Variants in STIM1 observed in about 807,000 individuals in gnomAD.
STIM1 encodes stromal interaction molecule 1.
Under a neutral mutation model 74.7 loss-of-function variants are expected in STIM1, and 25 were observed. That is an observed-to-expected ratio of 0.33 (90% CI 0.24 to 0.47). The LOEUF is 0.47. Among genes scored for constraint, STIM1 ranks in the 20% least tolerant of loss-of-function variants. The pLI, the probability that STIM1 is intolerant of heterozygous loss-of-function variation, is 1.00. For synonymous variants in STIM1, 328 were observed against 348.8 expected, an observed-to-expected ratio of 0.94 and a Z score of 0.66; for missense variants, 728 against 920.8, an observed-to-expected ratio of 0.79 and a Z score of 2.71.
chr11:3,875,004 A>ATTGT (rs144303703), intron 1 of STIM1, among the ~76,000 whole-genome samples: 2,550 of 115,470 alleles, frequency 0.022, 67 homozygotes, highest in African/African-American at 0.077. Flanking sequence ...CTCTTCTTTT[A>ATTGT]TTGTTTGTTT....
chr11:3,876,396 G>A (rs1312420461), intron 1 of STIM1, among the ~76,000 whole-genome samples: 1 of 151,974 alleles, frequency 6.6e-6, no homozygotes, highest in Non-Finnish European at 1.5e-5. Flanking sequence ...TTGAGGGAAA[G>A]GACTACATTC....
intron 1 of STIM1, among the ~76,000 whole-genome samples, chr11:3,862,900 A>G (rs907532394): frequency 9.9e-5 from 15 of 151,658 alleles, no homozygotes; most frequent in African/African-American, 3.6e-4. Flanking sequence ...ACACACACAC[A>G]TATTTTTTTG....
At chr11:3,998,838 G>C (rs183318346) in intron 2 of STIM1, among the ~76,000 whole-genome samples, 1 of 152,122 alleles carries the variant, frequency 6.6e-6, no homozygotes, top group African/African-American at 2.4e-5. Context: ...CAAAATCTTG[G>C]GGGTATAAAA....
intron 1 of STIM1, chr11:3,903,443 T>C (rs1461366629): frequency 6.6e-6 from 1 of 152,230 alleles, no homozygotes; most frequent in African/African-American, 2.4e-5. Flanking sequence ...TATAAAGGTC[T>C]TGGAGTTATT....
intron 1 of STIM1, among the ~76,000 whole-genome samples, chr11:3,882,186 G>A (rs185917051): frequency 1.1e-3 from 158 of 139,530 alleles, no homozygotes; most frequent in African/African-American, 4.1e-3. Flanking sequence ...CGCAACCTCT[G>A]TCTCCTGGGT....
At chr11:3,969,047 C>T (rs1426774836) in intron 2 of STIM1, among the ~76,000 whole-genome samples, 1 of 152,036 alleles carries the variant, frequency 6.6e-6, no homozygotes, top group East Asian at 1.9e-4. Flanking sequence ...AGAACCAGGT[C>T]CAAAGTAAAG....
rs35716064 is a variant in STIM1, at chr11:4,030,326, C to CAA, written c.385+6354_385+6355dup. ...TGGGTGAAAGAGTGAAACTCCATCTCAAAAAAAAAAAAAAAAGAAAGAAAG... is the reference window on the plus strand; with the variant it reads ...TGGGTGAAAGAGTGAAACTCCATCTCAAAAAAAAAAAAAAAAAAGAAAGAAAG... On this transcript the variant is annotated intron_variant, in intron 3 of 12. Transcript: ENST00000526596. 3.1e-3 allele frequency among the ~76,000 whole-genome samples: 384 copies of CAA among 122,842 alleles called. 4 individuals are homozygous for CAA. The highest frequency in any genetic ancestry group is 8.4e-3 in the South Asian group (32 of 3,802). The allele number at this position is 122,842 out of a possible 152,430, so 80.6% of individuals were successfully genotyped here.
chr11:4,034,896 A>G (rs575603175), intron 3 of STIM1, among the ~76,000 whole-genome samples: 27 of 152,218 alleles, frequency 1.8e-4, no homozygotes, highest in Admixed American at 3.9e-4. Flanking sequence ...ATTTACTGGT[A>G]TATGTTAATA....
intron 3 of STIM1, among the ~76,000 whole-genome samples, chr11:4,031,703 T>C (rs2094051833): frequency 6.6e-6 from 1 of 152,246 alleles, no homozygotes; most frequent in Non-Finnish European, 1.5e-5. Flanking sequence ...TTAAATCTTT[T>C]GTCTGCTTTT....
chr11:3,941,601 G>C (rs2093006267), intron 1 of STIM1, among the ~76,000 whole-genome samples: 1 of 140,664 alleles, frequency 7.1e-6, no homozygotes, highest in African/African-American at 2.7e-5. Context: ...GTGTGTGTGT[G>C]TGTGTGTGTG....
intron 1 of STIM1, among the ~76,000 whole-genome samples, chr11:3,896,290 G>T (rs1253684810): frequency 6.6e-6 from 1 of 152,118 alleles, no homozygotes; most frequent in East Asian, 1.9e-4. Flanking sequence ...TAGGCAATGG[G>T]TAAGGTGCTT....
intron 3 of STIM1, among the ~76,000 whole-genome samples, chr11:4,043,247 T>C (rs536670468): frequency 2.0e-5 from 3 of 152,326 alleles, no homozygotes; most frequent in Non-Finnish European, 4.4e-5. Flanking sequence ...GGAGGTTTTA[T>C]TGATTTTTAC....
chr11:3,989,293 C>T lies in STIM1; in HGVS notation c.270+21611C>T. On this transcript the variant is annotated intron_variant, in intron 2 of 12. Transcript: ENST00000526596. ...TTCGGCCTGTTTTCCCTTTGCTCCC[C>T]TTTTCCCTTTTGTTTGCACTTGTTT... The T allele has an allele frequency of 2.2e-6, 2 of 929,844 alleles. 1 individual carries two copies. The highest frequency in any genetic ancestry group is 2.6e-5 in the South Asian group (2 of 77,488). 57.6% of individuals were successfully genotyped at this position (929,844 alleles called of 1,614,324 possible).
At chr11:3,963,018 A>T (rs1160995891) in intron 1 of STIM1, among the ~76,000 whole-genome samples, 2 of 152,230 alleles carry the variant, frequency 1.3e-5, no homozygotes, top group Non-Finnish European at 2.9e-5. Context: ...ATCTAGAAAA[A>T]ATCTTACTGA....
chr11:4,065,169 G>T (rs914422669), intron 5 of STIM1, among the ~76,000 whole-genome samples: 1 of 152,214 alleles, frequency 6.6e-6, no homozygotes, highest in African/African-American at 2.4e-5. Flanking sequence ...GAAAAGTGCA[G>T]GGAGGCCTAC....
chr11:3,927,997 C>T (rs2092809239), intron 1 of STIM1, among the ~76,000 whole-genome samples: 1 of 152,158 alleles, frequency 6.6e-6, no homozygotes. Flanking sequence ...TTGTTGGCTT[C>T]TTCTCCCCTT....
chr11:3,947,229 C>T (rs1010812417), intron 1 of STIM1: 7 of 152,106 alleles, frequency 4.6e-5, no homozygotes, highest in African/African-American at 1.7e-4. Flanking sequence ...GAACCTCATC[C>T]CAGCCCATTT....
rs545854438 is a variant in STIM1 at position 4,058,656 on chromosome 11, C to T, written c.498-625C>T. The T allele has an allele frequency of 3.5e-5, 11 of 315,962 alleles. No homozygotes were observed. The South Asian group carries it at 1.4e-3, about 40-fold the overall frequency. 19.6% of individuals were successfully genotyped at this position (315,962 alleles called of 1,614,324 possible). ...ACAGGCTTTCTCTTATTAAAGTTATCACTGACAGTATGGGTGGAGGTCATA... is the reference window on the plus strand; with the variant it reads ...ACAGGCTTTCTCTTATTAAAGTTATTACTGACAGTATGGGTGGAGGTCATA... On this transcript the variant is annotated intron_variant, in intron 4 of 12. Coordinates refer to ENST00000526596, the MANE Select transcript of STIM1 (RefSeq NM_001382567.1).
chr11:4,013,472 A>G lies in STIM1; in HGVS notation c.271-10401A>G, dbSNP rs549737333. 2.4e-4 allele frequency among the ~76,000 whole-genome samples: 37 copies of G among 152,010 alleles called. 1 individual carries two copies. In the South Asian group the frequency reaches 7.7e-3, roughly 32 times the overall value. On this transcript the variant is annotated intron_variant, in intron 2 of 12. Coordinates refer to ENST00000526596, the MANE Select transcript of STIM1 (RefSeq NM_001382567.1). ...CTTGGGAGGGTGTATGTGTCGAGGA[A>G]TTTATCCATTTCTTCTAGATTTTCT...
Sources: gnomAD v4.1 joint callset for allele counts (sites outside exome capture counted in the v4.1 genomes callset) on GRCh38, gnomAD v4.1.1 for gene constraint, MANE v1.5 for transcripts, NCBI Gene and HGNC (gene_info 2026-07-23, HGNC 2026-07-21) for gene names.